ZSCAN30: variants seen among roughly 807,000 people sequenced by gnomAD.
ZSCAN30 encodes the protein zinc finger and SCAN domain containing 30, also known as zinc finger and SCAN domain-containing protein 30.
A neutral mutation model predicts 44.3 loss-of-function variants in ZSCAN30; 37 were observed. The observed-to-expected ratio is 0.84, with a 90% CI of 0.64 to 1.10. The LOEUF is 1.10. Ranked by LOEUF, ZSCAN30 falls within the 50% of genes least tolerant of loss-of-function variation. The pLI is 0.00. For missense variants in ZSCAN30, 549 were observed against 582.6 expected (o/e 0.94, Z 0.59); for synonymous variants, 181 against 204.6 (o/e 0.88, Z 0.98).
chr18:35,267,556 GA>G (rs1218130807), intron 1 of ZSCAN30: 2 of 152,138 alleles, frequency 1.3e-5, no homozygotes, highest in African/African-American at 2.4e-5. Flanking sequence ...GGAAGTGGGA[GA>G]GTGCCCCTCT....
intron 1 of ZSCAN30, chr18:35,289,278 G>C (rs1325765870): frequency 6.6e-6 from 1 of 152,130 alleles, no homozygotes; most frequent in Non-Finnish European, 1.5e-5. Flanking sequence ...TGGCCAAAAA[G>C]AAAGCTGTTT....
At chr18:35,285,777 C>A (rs530192791) in intron 1 of ZSCAN30, among the ~76,000 whole-genome samples, 1 of 151,626 alleles carries the variant, frequency 6.6e-6, no homozygotes, top group South Asian at 2.1e-4. Context: ...AAATCAGAGG[C>A]CTCAACTTCC....
intron 3 of ZSCAN30, chr18:35,263,269 A>T: frequency 2.1e-6 from 1 of 476,262 alleles, no homozygotes; most frequent in Non-Finnish European, 3.7e-6. Flanking sequence ...AAAAAGAAAA[A>T]GAAAAAAAAT....
At position 35,263,662 on chromosome 18, in the gene ZSCAN30, G is replaced by A. The variant is rs756670762; in HGVS notation, c.409-5C>T. On this transcript the variant is annotated splice_region_variant and splice_polypyrimidine_tract_variant and intron_variant, in intron 2 of 3. Transcript: ENST00000333206. ...TTCTTGGCCATGAGTTGTGTCCTAG[G>A]AGTAATCAAGTACCAGCACTATCAT... 1.5e-5 allele frequency: 25 copies of A among 1,614,030 alleles called. No homozygotes were observed. Among genetic ancestry groups the A allele is most frequent in the Non-Finnish European group, 2.1e-5 (25 of 1,179,990 alleles).
rs750246253 is a variant in ZSCAN30 at position 35,264,390 on chromosome 18, G to C, written c.-38C>G. ...CAGTCTGAAAAGGCTGCCCAGGTGAGGCAGGGAGGAGATGGAGATTTGCGT... is the reference window on the plus strand; with the variant it reads ...CAGTCTGAAAAGGCTGCCCAGGTGACGCAGGGAGGAGATGGAGATTTGCGT... On this transcript the variant is annotated 5_prime_UTR_variant, in exon 2 of 4. Coordinates refer to ENST00000333206, the MANE Select transcript of ZSCAN30 (RefSeq NM_001112734.4). 6.3e-7 allele frequency: 1 copy of C among 1,581,548 alleles called. No homozygotes were observed. Among genetic ancestry groups the C allele is most frequent in the Non-Finnish European group, 8.6e-7 (1 of 1,163,802 alleles).
chr18:35,255,532 T>G (rs1320996127), intron 3 of ZSCAN30, among the ~76,000 whole-genome samples: 1 of 152,122 alleles, frequency 6.6e-6, no homozygotes, highest in Admixed American at 6.5e-5. Flanking sequence ...TTATGCTATC[T>G]GCCTTCCATA....
At position 35,251,116 on chromosome 18, in the gene ZSCAN30, C is replaced by T. The variant is rs1443980418; in HGVS notation, c.*2334G>A. ...TCTTGCATTACATTCTAATAATAAA[C>T]GGTTGAAGTATAAATTTTGAAATTA... On this transcript the variant is annotated 3_prime_UTR_variant, in exon 4 of 4. Coordinates refer to ENST00000333206, the MANE Select transcript of ZSCAN30 (RefSeq NM_001112734.4). The T allele has an allele frequency of 6.6e-6, 1 of 152,012 alleles. No individual in the cohort carries two copies. Among genetic ancestry groups the T allele is most frequent in the Non-Finnish European group, 1.5e-5 (1 of 68,018 alleles). The allele number at this position is 152,012 out of a possible 1,614,324, so 9.4% of individuals were successfully genotyped here.
chr18:35,278,999 T>G (rs2044411135), intron 1 of ZSCAN30, among the ~76,000 whole-genome samples: 1 of 152,246 alleles, frequency 6.6e-6, no homozygotes, highest in African/African-American at 2.4e-5. Flanking sequence ...TCTACTGTCC[T>G]CTTTACTTCC....
intron 1 of ZSCAN30, among the ~76,000 whole-genome samples, chr18:35,272,167 G>A (rs897460384): frequency 7.2e-5 from 11 of 152,278 alleles, no homozygotes; most frequent in African/African-American, 2.2e-4. Context: ...CTGCTAGCCC[G>A]TTGTCACCTC....
intron 3 of ZSCAN30, chr18:35,263,135 G>A: frequency 2.7e-6 from 1 of 370,786 alleles, no homozygotes; most frequent in Non-Finnish European, 5.2e-6. Context: ...TAGCTACTCT[G>A]GAGGCTGAGG....
At chr18:35,288,739 GA>G (rs1445619802) in intron 1 of ZSCAN30, among the ~76,000 whole-genome samples, 2 of 152,142 alleles carry the variant, frequency 1.3e-5, no homozygotes, top group Non-Finnish European at 2.9e-5. Flanking sequence ...TAAATATCTA[GA>G]AAATGCAAAC....
At chr18:35,277,938 A>T (rs2044394923) in intron 1 of ZSCAN30, among the ~76,000 whole-genome samples, 1 of 151,812 alleles carries the variant, frequency 6.6e-6, no homozygotes, top group African/African-American at 2.4e-5. Context: ...GGTTTAGATA[A>T]TTTTTTTTCT....
intron 3 of ZSCAN30, 105 bp downstream of exon 3, chr18:35,263,408 A>G: frequency 7.0e-7 from 1 of 1,438,780 alleles, no homozygotes; most frequent in Non-Finnish European, 9.6e-7. Flanking sequence ...CCTTTCCACA[A>G]TACTTAGTGA....
At chr18:35,254,967 G>A (rs535960974) in intron 3 of ZSCAN30, 1 of 154,206 alleles carries the variant, frequency 6.5e-6, no homozygotes, top group Non-Finnish European at 1.5e-5. Flanking sequence ...CAGACCCAGA[G>A]AAAAGAAATA....
intron 1 of ZSCAN30, among the ~76,000 whole-genome samples, chr18:35,285,579 A>C (rs1218123564): frequency 1.3e-5 from 2 of 152,198 alleles, no homozygotes; most frequent in Non-Finnish European, 2.9e-5. Context: ...TAAATTAGAA[A>C]TAAATATCAG....
chr18:35,271,614 G>A (rs528857381), intron 1 of ZSCAN30, among the ~76,000 whole-genome samples: 37 of 152,366 alleles, frequency 2.4e-4, no homozygotes, highest in African/African-American at 7.5e-4. Flanking sequence ...TGCCAGGGCC[G>A]TGGGCGTAGC....
intron 1 of ZSCAN30, among the ~76,000 whole-genome samples, chr18:35,271,075 G>A (rs1396690070): frequency 2.0e-5 from 3 of 152,180 alleles, no homozygotes; most frequent in African/African-American, 7.2e-5. Context: ...GAGTGTTACA[G>A]CTCATAAAGG....
At chr18:35,266,785 G>A (rs931636144) in intron 1 of ZSCAN30, 3 of 146,234 alleles carry the variant, frequency 2.1e-5, no homozygotes, top group African/African-American at 7.6e-5. Context: ...TCCTGCCTCA[G>A]CCTCCCGAGT....
chr18:35,263,994 A>G lies in ZSCAN30; in HGVS notation c.359T>C (p.Val120Ala). Residue 120 changes from valine to alanine, a missense_variant, in exon 2 of 4, where the codon GTG becomes GCG. Transcript: ENST00000333206. ...TTTTTCCAGCTCCTCCAGCATAGTC[A>G]CAGCTTCCTCTCCATTCTCTGGCCG... is the stretch of plus-strand genomic sequence containing the variant. ...EHRPENGEEA[V>A]TMLEELEKEL... The G allele has an allele frequency of 1.9e-6, 3 of 1,614,122 alleles. No homozygotes were observed. The highest frequency in any genetic ancestry group is 2.5e-6 in the Non-Finnish European group (3 of 1,180,008).
Sources: gnomAD v4.1 joint callset for allele counts (sites outside exome capture counted in the v4.1 genomes callset) on GRCh38, gnomAD v4.1.1 for gene constraint, MANE v1.5 for transcripts, NCBI Gene and HGNC (gene_info 2026-07-23, HGNC 2026-07-21) for gene names.